Variants in EPB41L3 observed in about 807,000 individuals in gnomAD.
The protein encoded by EPB41L3 is band 4.1-like protein 3.
A neutral mutation model predicts 127.1 loss-of-function variants in EPB41L3; 57 were observed. That is an observed-to-expected ratio of 0.45 (90% CI 0.36 to 0.56). The LOEUF (loss-of-function observed/expected upper bound fraction) is 0.56. EPB41L3 is among the 20% of genes least tolerant of loss of function. The pLI is 0.00. For missense variants in EPB41L3, 1,273 were observed against 1,372.2 expected, an observed-to-expected ratio of 0.93 and a Z score of 1.14; for synonymous variants, 572 against 549.5, an observed-to-expected ratio of 1.04 and a Z score of -0.57.
At position 5,513,502 on chromosome 18, in the gene EPB41L3, GCA is replaced by G. The variant is rs1452367672; in HGVS notation, c.-11-24310_-11-24309del. On this transcript the variant is annotated intron_variant, in intron 1 of 22. Transcript: ENST00000341928. ...CTCTGTGACTAGGCCAGGAAACTGT[GCA>G]CACTGTCCATTGGTCTTCGCCTATT... Among the ~76,000 whole-genome samples the G allele has an allele frequency of 7.2e-5, 11 of 152,182 alleles. No individual in the cohort carries two copies. In the South Asian group the frequency reaches 1.0e-3, roughly 14 times the overall value.
At chr18:5,452,957 G>A (rs1286247281) in intron 3 of EPB41L3, among the ~76,000 whole-genome samples, 1 of 152,140 alleles carries the variant, frequency 6.6e-6, no homozygotes, top group Admixed American at 6.5e-5. Context: ...ATCTTCCCTA[G>A]CAGGTGACTG....
Position 5,407,739 on chromosome 18 carries a change from G to A in EPB41L3, c.2122-3C>T, listed in dbSNP as rs376928619. 172 of 1,613,674 alleles carry A rather than the reference G, an allele frequency of 1.1e-4. No individual in the cohort carries two copies. The highest frequency in any genetic ancestry group is 1.6e-4 in the Middle Eastern group (1 of 6,084). Reference sequence around the variant, plus strand: ...TCTGCATCTTCCTCCTGGTCCGACTGCCAGCATCAAGAAAGAGTGGGAAAT... The same window carrying A: ...TCTGCATCTTCCTCCTGGTCCGACTACCAGCATCAAGAAAGAGTGGGAAAT... On this transcript the variant is annotated splice_polypyrimidine_tract_variant and splice_region_variant and intron_variant, in intron 14 of 22. Coordinates refer to ENST00000341928, the MANE Select transcript of EPB41L3 (RefSeq NM_012307.5).
chr18:5,433,397 C>A, intron 8 of EPB41L3, 72 bp downstream of exon 8: 1 of 1,075,738 alleles, frequency 9.3e-7, no homozygotes, highest in Non-Finnish European at 1.4e-6. Flanking sequence ...TAAAAATCAC[C>A]AGCTTACAGT....
intron 3 of EPB41L3, among the ~76,000 whole-genome samples, chr18:5,446,835 G>A (rs749278238): frequency 1.1e-4 from 16 of 152,262 alleles, no homozygotes; most frequent in African/African-American, 2.2e-4. Flanking sequence ...ATTGCTCATC[G>A]GCTATGAATA....
intron 1 of EPB41L3, among the ~76,000 whole-genome samples, chr18:5,532,781 G>A (rs1168734381): frequency 2.6e-5 from 4 of 152,044 alleles, no homozygotes; most frequent in African/African-American, 9.7e-5. Context: ...GAGATAAGGC[G>A]CCTAGGGGAT....
chr18:5,431,001 G>A (rs1963826), intron 8 of EPB41L3, among the ~76,000 whole-genome samples: 29,932 of 151,980 alleles, frequency 0.2, 3,188 homozygotes, highest in East Asian at 0.42. Flanking sequence ...AAATAAAGGG[G>A]CATACGATTT....
intron 8 of EPB41L3, among the ~76,000 whole-genome samples, chr18:5,432,484 T>C (rs928928622): frequency 7.2e-5 from 11 of 152,312 alleles, no homozygotes; most frequent in Non-Finnish European, 1.3e-4. Context: ...GACCTTAACA[T>C]TGACCTTTTT....
chr18:5,574,815 C>A (rs150095838), intron 3 of EPB41L3, among the ~76,000 whole-genome samples: 1,794 of 152,274 alleles, frequency 0.012, 16 homozygotes, highest in Non-Finnish European at 0.017. Context: ...CAAGACTTTG[C>A]CCCTGTGCAC....
chr18:5,590,239 A>T (rs1310434674), intron 3 of EPB41L3, among the ~76,000 whole-genome samples: 1 of 152,154 alleles, frequency 6.6e-6, no homozygotes, highest in Non-Finnish European at 1.5e-5. Flanking sequence ...GAGGTTCCCA[A>T]GGAGAGCAGT....
intron 9 of EPB41L3, among the ~76,000 whole-genome samples, chr18:5,426,543 C>T (rs755616441): frequency 8.5e-5 from 13 of 152,196 alleles, no homozygotes; most frequent in Non-Finnish European, 1.3e-4. Context: ...AGAAATGTAT[C>T]ATTCCAAAAT....
intron 1 of EPB41L3, among the ~76,000 whole-genome samples, chr18:5,492,552 G>C (rs2090725536): frequency 1.3e-5 from 2 of 152,074 alleles, no homozygotes; most frequent in African/African-American, 2.4e-5. Context: ...AAAGACTATT[G>C]TTTTCCAAGG....
At chr18:5,570,799 T>C (rs1214334623) in intron 3 of EPB41L3, 1 of 152,206 alleles carries the variant, frequency 6.6e-6, no homozygotes, top group East Asian at 1.9e-4. Context: ...ACAGGTTTTA[T>C]TTCTCTGCTG....
chr18:5,422,778 T>C (rs371806963), intron 11 of EPB41L3, among the ~76,000 whole-genome samples: 24 of 152,340 alleles, frequency 1.6e-4, no homozygotes, highest in African/African-American at 5.5e-4. Flanking sequence ...CATCTCTCCA[T>C]TTGACTAATT....
intron 3 of EPB41L3, among the ~76,000 whole-genome samples, chr18:5,576,331 A>G (rs559939697): frequency 6.6e-6 from 1 of 152,352 alleles, no homozygotes; most frequent in Admixed American, 6.5e-5. Context: ...AATAAAAGAT[A>G]TCAGCAACTT....
At chr18:5,398,203 A>G (rs1227801792) in intron 16 of EPB41L3, 60 bp from the exon 17 acceptor site, 13 of 1,596,444 alleles carry the variant, frequency 8.1e-6, no homozygotes. Flanking sequence ...TCAGGCACAT[A>G]AACATTCACA....
At chr18:5,493,484 T>A (rs2090833233) in intron 1 of EPB41L3, among the ~76,000 whole-genome samples, 1 of 152,072 alleles carries the variant, frequency 6.6e-6, no homozygotes, top group Non-Finnish European at 1.5e-5. Context: ...TAGAGTACTA[T>A]CCACCAGTCT....
intron 1 of EPB41L3, among the ~76,000 whole-genome samples, chr18:5,536,900 T>C (rs772816038): frequency 4.6e-5 from 7 of 152,294 alleles, no homozygotes; most frequent in Non-Finnish European, 7.4e-5. Flanking sequence ...AGAAGTCTAT[T>C]CATGTAAAAT....
chr18:5,593,525 G>A (rs1447172930), intron 3 of EPB41L3, among the ~76,000 whole-genome samples: 2 of 152,104 alleles, frequency 1.3e-5, no homozygotes, highest in African/African-American at 2.4e-5. Flanking sequence ...GAGGCAGGGC[G>A]AGATCACAGG....
At chr18:5,416,507 T>A in intron 12 of EPB41L3, 129 bp from the exon 13 acceptor site, 1 of 937,826 alleles carries the variant, frequency 1.1e-6, no homozygotes, top group Non-Finnish European at 1.5e-6. Context: ...ATTTTAGCAC[T>A]AGGGTTGCTC....
Sources: allele counts gnomAD v4.1 joint callset (sites outside exome capture counted in the v4.1 genomes callset), GRCh38; gene constraint gnomAD v4.1.1; transcripts MANE v1.5; gene names NCBI Gene and HGNC (gene_info 2026-07-23, HGNC 2026-07-21).